Variants in CCNY observed in about 807,000 individuals in gnomAD.
CCNY encodes cyclin-Y.
In CCNY, 19 loss-of-function variants were observed where a neutral mutation model predicts 42.8. The observed-to-expected ratio is 0.44, with a 90% CI of 0.31 to 0.65. The LOEUF is 0.65. CCNY is among the 30% of genes least tolerant of loss of function. CCNY has a pLI of 0.07. For missense variants in CCNY, 370 were observed against 437.3 expected, an observed-to-expected ratio of 0.85 and a Z score of 1.37; for synonymous variants, 165 against 162.7, an observed-to-expected ratio of 1.01 and a Z score of -0.11.
chr10:35,357,220 A>G (rs941819346), intron 1 of CCNY, among the ~76,000 whole-genome samples: 1 of 100,504 alleles, frequency 9.9e-6, no homozygotes, highest in African/African-American at 5.0e-5. Context: ...CAGCCCCATC[A>G]CGCTCAGTCA....
At chr10:35,478,634 C>G (rs1233979432) in intron 1 of CCNY, among the ~76,000 whole-genome samples, 1 of 152,126 alleles carries the variant, frequency 6.6e-6, no homozygotes, top group Non-Finnish European at 1.5e-5. Context: ...ATGCAAAAAT[C>G]AATTCAAGAT....
At chr10:35,464,735 G>A (rs1554791465) in intron 1 of CCNY, among the ~76,000 whole-genome samples, 1 of 152,092 alleles carries the variant, frequency 6.6e-6, no homozygotes, top group Non-Finnish European at 1.5e-5. Context: ...CTTTAACCCT[G>A]GGGGCCACAG....
intron 4 of CCNY, among the ~76,000 whole-genome samples, chr10:35,524,536 A>C (rs1371672080): frequency 6.6e-6 from 1 of 152,194 alleles, no homozygotes; most frequent in Non-Finnish European, 1.5e-5. Context: ...GAGTAAGCGG[A>C]AATGTTCGGG....
intron 1 of CCNY, among the ~76,000 whole-genome samples, chr10:35,368,525 A>C (rs1836858789): frequency 6.6e-6 from 1 of 152,188 alleles, no homozygotes; most frequent in Non-Finnish European, 1.5e-5. Flanking sequence ...TACTCTGTTC[A>C]GATGTCACAG....
intron 3 of CCNY, among the ~76,000 whole-genome samples, chr10:35,509,187 G>T (rs189798609): frequency 1.4e-3 from 211 of 152,178 alleles, no homozygotes; most frequent in Non-Finnish European, 2.3e-3. Flanking sequence ...GAATGATTTG[G>T]TTCACCTGGG....
At chr10:35,460,347 G>A (rs1839130664) in intron 1 of CCNY, among the ~76,000 whole-genome samples, 1 of 152,214 alleles carries the variant, frequency 6.6e-6, no homozygotes, top group Non-Finnish European at 1.5e-5. Context: ...TGTTGAAACA[G>A]TGTCATCATA....
At chr10:35,531,294 A>G (rs982359320) in intron 7 of CCNY, among the ~76,000 whole-genome samples, 9 of 152,238 alleles carry the variant, frequency 5.9e-5, no homozygotes, top group African/African-American at 2.2e-4. Flanking sequence ...TAGAAGCTTT[A>G]CAGGCGACCG....
At chr10:35,477,899 A>T (rs1245766182) in intron 1 of CCNY, among the ~76,000 whole-genome samples, 1 of 148,514 alleles carries the variant, frequency 6.7e-6, no homozygotes, top group Admixed American at 6.7e-5. Context: ...CCATTGTCTC[A>T]GCCCAAAATC....
At position 35,564,775 on chromosome 10, in the gene CCNY, C is replaced by T. The variant is rs117968340; in HGVS notation, c.747-1248C>T. Among the ~76,000 whole-genome samples the T allele has an allele frequency of 4.7e-4, 71 of 152,358 alleles. 1 individual carries two copies. The East Asian group carries it at 0.011, about 24-fold the overall frequency. ...CCCCTCCTCAGCCCTGGTTCCTCTC[C>T]GCCAGAGCTCCATGCTTCCCTCACC... is the stretch of plus-strand genomic sequence containing the variant. On this transcript the variant is annotated intron_variant, in intron 8 of 9. Coordinates refer to ENST00000374704, the MANE Select transcript of CCNY (RefSeq NM_145012.6).
chr10:35,277,895 G>C (rs759924627), intron 3 of CCNY, among the ~76,000 whole-genome samples: 15 of 152,190 alleles, frequency 9.9e-5, no homozygotes, highest in African/African-American at 4.8e-5. Context: ...GATGAGGCTG[G>C]GGAGGGCCCA....
chr10:35,304,218 G>A (rs1395006226), intron 3 of CCNY, among the ~76,000 whole-genome samples: 1 of 152,186 alleles, frequency 6.6e-6, no homozygotes, highest in Non-Finnish European at 1.5e-5. Context: ...GGTGTTGAAA[G>A]TAAGGCTGAG....
chr10:35,523,398 T>G (rs1032711617), intron 4 of CCNY, among the ~76,000 whole-genome samples: 4 of 152,040 alleles, frequency 2.6e-5, no homozygotes, highest in Non-Finnish European at 5.9e-5. Context: ...GTGTGTAGAG[T>G]GAAGCTACAA....
intron 1 of CCNY, among the ~76,000 whole-genome samples, chr10:35,447,960 T>A (rs1838828612): frequency 1.3e-5 from 2 of 152,226 alleles, no homozygotes; most frequent in Admixed American, 1.3e-4. Context: ...TGCTTTGCCG[T>A]TCATGGTGTA....
intron 3 of CCNY, among the ~76,000 whole-genome samples, chr10:35,274,421 T>TG (rs1260182068): frequency 6.6e-5 from 10 of 152,078 alleles, no homozygotes; most frequent in Non-Finnish European, 1.3e-4. Context: ...ATCTTCTTAG[T>TG]GGGGGTGGGG....
At chr10:35,495,540 A>G (rs943768467) in intron 2 of CCNY, among the ~76,000 whole-genome samples, 1 of 151,984 alleles carries the variant, frequency 6.6e-6, no homozygotes, top group African/African-American at 2.4e-5. Context: ...ATGTCTTTTC[A>G]TTTTTGTTTC....
intron 3 of CCNY, among the ~76,000 whole-genome samples, chr10:35,270,248 C>T (rs968299793): frequency 2.6e-5 from 4 of 152,104 alleles, no homozygotes; most frequent in African/African-American, 7.2e-5. Context: ...GCACCCGATC[C>T]CATTCATGAG....
chr10:35,394,133 T>A (rs1837474059), intron 1 of CCNY, among the ~76,000 whole-genome samples: 1 of 152,206 alleles, frequency 6.6e-6, no homozygotes, highest in Non-Finnish European at 1.5e-5. Context: ...GGAAACAGCA[T>A]TCTCCAAGAG....
intron 1 of CCNY, among the ~76,000 whole-genome samples, chr10:35,465,938 A>AGAGAGAGAGTGT: frequency 5.2e-4 from 42 of 81,032 alleles, no homozygotes; most frequent in South Asian, 3.0e-3. Flanking sequence ...AGAGAGAGAG[A>AGAGAGAGAGTGT]GTGTGTGTGT....
chr10:35,505,113 G>A (rs1280674885), intron 3 of CCNY, among the ~76,000 whole-genome samples: 5 of 150,138 alleles, frequency 3.3e-5, no homozygotes, highest in African/African-American at 1.2e-4. Flanking sequence ...TAGATTGTGG[G>A]TGACATTGTA....
Sources: gnomAD v4.1 joint callset for allele counts (sites outside exome capture counted in the v4.1 genomes callset) on GRCh38, gnomAD v4.1.1 for gene constraint, MANE v1.5 for transcripts, NCBI Gene and HGNC (gene_info 2026-07-23, HGNC 2026-07-21) for gene names.